Variants in VANGL1 observed in about 807,000 individuals in gnomAD.
VANGL1 encodes the protein vang-like protein 1.
Under a neutral mutation model 48.4 loss-of-function variants are expected in VANGL1, and 18 were observed. The observed-to-expected ratio is 0.37, with a 90% confidence interval of 0.26 to 0.55. The LOEUF (loss-of-function observed/expected upper bound fraction) is 0.55. VANGL1 is among the 20% of genes least tolerant of loss of function. The pLI, the probability that VANGL1 is intolerant of heterozygous loss-of-function variation, is 0.81. For synonymous variants in VANGL1, 257 were observed against 261.8 expected (o/e 0.98, Z 0.18); for missense variants, 667 against 675.8 (o/e 0.99, Z 0.14).
At chr1:115,675,339 A>C (rs1035267510) in intron 4 of VANGL1, among the ~76,000 whole-genome samples, 1 of 152,132 alleles carries the variant, frequency 6.6e-6, no homozygotes, top group Non-Finnish European at 1.5e-5. Flanking sequence ...CGTCTCTACT[A>C]AAATACAAAA....
Position 115,695,828 on chromosome 1 carries a change from C to G in VANGL1, c.*4449C>G, listed in dbSNP as rs1654010693. The G allele has an allele frequency of 6.6e-6, 1 of 152,206 alleles. No individual in the cohort carries two copies. Among genetic ancestry groups the G allele is most frequent in the Non-Finnish European group, 1.5e-5 (1 of 68,056 alleles). The allele number at this position is 152,206 out of a possible 1,614,324, so 9.4% of individuals were successfully genotyped here. On this transcript the variant is annotated 3_prime_UTR_variant, in exon 8 of 8. Coordinates refer to ENST00000355485, the MANE Select transcript of VANGL1 (RefSeq NM_138959.3). Reference sequence around the variant, plus strand: ...TGTTTGATTCTAACCCCTCAGTCCACTGTACCTTGAAGTATGGTCTAAATG... The same window carrying G: ...TGTTTGATTCTAACCCCTCAGTCCAGTGTACCTTGAAGTATGGTCTAAATG...
At chr1:115,683,827 G>T in intron 5 of VANGL1, 117 bp from the exon 6 acceptor site, 2 of 1,338,726 alleles carry the variant, frequency 1.5e-6, no homozygotes, top group Non-Finnish European at 2.1e-6. Context: ...TAGGATTTGT[G>T]TGTGTGTGTT....
chr1:115,693,448 GA>G lies in VANGL1; in HGVS notation c.*2071del, dbSNP rs1653923716. On this transcript the variant is annotated 3_prime_UTR_variant, in exon 8 of 8. Transcript: ENST00000355485. ...AACCCTATCTTCAATGACCAGTCCA[GA>G]AGGGGTTAAGCTGGATTCATTTGCT... is the stretch of plus-strand genomic sequence containing the variant. 1.3e-5 allele frequency: 2 copies of G among 152,616 alleles called. No homozygotes were observed. The highest frequency in any genetic ancestry group is 1.3e-4 in the Admixed American group (2 of 15,284). 9.5% of individuals were successfully genotyped at this position (152,616 alleles called of 1,614,324 possible).
chr1:115,654,120 T>G (rs1652254356), intron 2 of VANGL1, among the ~76,000 whole-genome samples: 1 of 152,154 alleles, frequency 6.6e-6, no homozygotes. Flanking sequence ...GGAGTGTTCC[T>G]GTGAAGGCTG....
chr1:115,649,558 G>C (rs188739413), intron 1 of VANGL1, among the ~76,000 whole-genome samples: 6 of 152,358 alleles, frequency 3.9e-5, no homozygotes, highest in Admixed American at 3.9e-4. Flanking sequence ...AGAGAGTGCT[G>C]ATAGACAGTG....
At chr1:115,643,636 G>A (rs1651815371) in intron 1 of VANGL1, among the ~76,000 whole-genome samples, 1 of 152,172 alleles carries the variant, frequency 6.6e-6, no homozygotes, top group South Asian at 2.1e-4. Flanking sequence ...TAATTTGTAA[G>A]TAAAATGGGA....
intron 1 of VANGL1, among the ~76,000 whole-genome samples, 159 bp from the exon 2 acceptor site, chr1:115,651,118 C>T (rs182223258): frequency 6.6e-6 from 1 of 152,298 alleles, no homozygotes; most frequent in African/African-American, 2.4e-5. Context: ...AAACTGGTTG[C>T]TGCATGGGTG....
At chr1:115,642,356 C>G (rs557197327) in intron 1 of VANGL1, among the ~76,000 whole-genome samples, 1 of 152,156 alleles carries the variant, frequency 6.6e-6, no homozygotes, top group East Asian at 1.9e-4. Context: ...CTCCGCCGCA[C>G]CCCACTCCTT....
At chr1:115,689,904 C>G (rs1193673507) in intron 7 of VANGL1, among the ~76,000 whole-genome samples, 1 of 136,102 alleles carries the variant, frequency 7.3e-6, no homozygotes, top group African/African-American at 2.8e-5. Context: ...TGCAGTGAGC[C>G]GAGATTCTGC....
chr1:115,683,587 C>T (rs1247232207), intron 5 of VANGL1, among the ~76,000 whole-genome samples: 1 of 152,172 alleles, frequency 6.6e-6, no homozygotes, highest in East Asian at 1.9e-4. Context: ...ATGTCCCAGC[C>T]GCCCTTATGG....
chr1:115,678,547 C>T (rs1653253775), intron 4 of VANGL1, among the ~76,000 whole-genome samples: 1 of 152,160 alleles, frequency 6.6e-6, no homozygotes, highest in Non-Finnish European at 1.5e-5. Context: ...CTGATGGAAC[C>T]CAGTGTCTTC....
At chr1:115,670,741 G>A (rs751487376) in intron 4 of VANGL1, among the ~76,000 whole-genome samples, 88 of 152,156 alleles carry the variant, frequency 5.8e-4, no homozygotes, top group Non-Finnish European at 1.1e-3. Context: ...ATGTTCCTAC[G>A]ATTGTGGGTT....
intron 4 of VANGL1, among the ~76,000 whole-genome samples, chr1:115,665,827 T>C (rs1041278239): frequency 7.9e-5 from 12 of 152,224 alleles, no homozygotes; most frequent in African/African-American, 2.7e-4. Flanking sequence ...ACCAGCAGTT[T>C]TGTGTTAAAC....
intron 4 of VANGL1, among the ~76,000 whole-genome samples, chr1:115,676,427 G>A (rs1338538055): frequency 6.6e-6 from 1 of 152,214 alleles, no homozygotes; most frequent in Non-Finnish European, 1.5e-5. Flanking sequence ...GGCCTCTGGA[G>A]GAGGTTGGTA....
At chr1:115,655,696 C>G (rs1412323556) in intron 2 of VANGL1, among the ~76,000 whole-genome samples, 1 of 152,206 alleles carries the variant, frequency 6.6e-6, no homozygotes, top group Non-Finnish European at 1.5e-5. Context: ...AGTCTGTTTA[C>G]TCTCCTGGTC....
intron 3 of VANGL1, among the ~76,000 whole-genome samples, 177 bp downstream of exon 3, chr1:115,659,950 C>T (rs1475816003): frequency 2.6e-5 from 4 of 152,160 alleles, no homozygotes; most frequent in South Asian, 2.1e-4. Context: ...CCTTTGGTAG[C>T]GTGGGGATTC....
chr1:115,677,923 T>G (rs1482006007), intron 4 of VANGL1, among the ~76,000 whole-genome samples: 1 of 152,110 alleles, frequency 6.6e-6, no homozygotes, highest in Non-Finnish European at 1.5e-5. Context: ...GAGATTGGGG[T>G]TTGTAGAAGG....
chr1:115,651,405 T>C lies in VANGL1; in HGVS notation c.-9T>C. ...CTGCTCCTTCCTCAAGCGCAAGCCC[T>C]CCATTGCTATGGATACCGAATCCAC... On this transcript the variant is annotated 5_prime_UTR_variant, in exon 2 of 8. Coordinates refer to ENST00000355485, the MANE Select transcript of VANGL1 (RefSeq NM_138959.3). 2.5e-6 allele frequency: 4 copies of C among 1,613,766 alleles called. No homozygotes were observed. The highest frequency in any genetic ancestry group is 3.4e-6 in the Non-Finnish European group (4 of 1,179,836).
intron 4 of VANGL1, among the ~76,000 whole-genome samples, chr1:115,680,559 C>A (rs756316597): frequency 4.6e-5 from 7 of 152,216 alleles, no homozygotes; most frequent in Admixed American, 2.0e-4. Context: ...TGTTCCCCAG[C>A]CTCACATGAC....
Sources: allele counts gnomAD v4.1 joint callset (sites outside exome capture counted in the v4.1 genomes callset), GRCh38; gene constraint gnomAD v4.1.1; transcripts MANE v1.5; gene names NCBI Gene and HGNC (gene_info 2026-07-23, HGNC 2026-07-21).